Variants in SYCE2 observed in about 807,000 individuals in gnomAD.
SYCE2 encodes the protein synaptonemal complex central element protein 2, also known as central element synaptonemal complex 1.
Under a neutral mutation model 27.9 loss-of-function variants are expected in SYCE2, and 3 were observed. That is an observed-to-expected ratio of 0.11 (90% CI 0.05 to 0.28). SYCE2 has a LOEUF of 0.28. Among genes scored for constraint, SYCE2 ranks in the 10% least tolerant of loss-of-function variants. SYCE2 has a pLI of 1.00. For synonymous variants in SYCE2, 85 were observed against 100.7 expected (o/e 0.84, Z 0.93); for missense variants, 207 against 263.5 (o/e 0.79, Z 1.48).
intron 3 of SYCE2, among the ~76,000 whole-genome samples, chr19:12,903,155 G>GA (rs1269478398): frequency 6.6e-6 from 1 of 151,348 alleles, no homozygotes; most frequent in Admixed American, 6.6e-5. Context: ...GCAGTGGCGG[G>GA]ATCTCTGCTC....
At chr19:12,904,752 A>C in intron 2 of SYCE2, 86 bp from the exon 3 acceptor site, 21 of 1,472,008 alleles carry the variant, frequency 1.4e-5, no homozygotes, top group Non-Finnish European at 1.9e-5. Flanking sequence ...CTGTAATCTC[A>C]GCACTTTGTA....
Position 12,904,543 on chromosome 19 carries a change from C to T in SYCE2, c.255G>A (p.Arg85=). 6.2e-7 allele frequency: 1 copy of T among 1,614,050 alleles called. No individual in the cohort carries two copies. Among genetic ancestry groups the T allele is most frequent in the Non-Finnish European group, 8.5e-7 (1 of 1,180,012 alleles). ...TGGTCATGAGTGCATGGTCCTTTTG[C>T]CGGCTCTTGTTGATGTTTTCGATCA... ...QELIENINKS[R]QKDHALMTNF... The change falls in exon 3 of 6, where the codon CGG becomes CGA. Residue 85 remains arginine, a synonymous_variant. Coordinates refer to ENST00000293695, the MANE Select transcript of SYCE2 (RefSeq NM_001105578.2).
At chr19:12,904,013 C>T (rs551573108) in intron 3 of SYCE2, among the ~76,000 whole-genome samples, 10 of 152,304 alleles carry the variant, frequency 6.6e-5, no homozygotes, top group Admixed American at 4.6e-4. Flanking sequence ...TCCACTCCCC[C>T]GTCACAGACC....
chr19:12,898,968 C>T lies in SYCE2; in HGVS notation c.*373G>A. ...AGAGGTCAGCTGAGGCAAGTGACTG[C>T]TCTTCCGATGTGCTGTCCCTCCTAT... On this transcript the variant is annotated 3_prime_UTR_variant, in exon 6 of 6. Coordinates refer to ENST00000293695, the MANE Select transcript of SYCE2 (RefSeq NM_001105578.2). 1 of 289,118 alleles carries T rather than the reference C, an allele frequency of 3.5e-6. No homozygotes were observed. The highest frequency in any genetic ancestry group is 6.7e-6 in the Non-Finnish European group (1 of 149,532). The allele number at this position is 289,118 out of a possible 1,614,324, so 17.9% of individuals were successfully genotyped here.
intron 2 of SYCE2, among the ~76,000 whole-genome samples, chr19:12,907,988 T>C (rs1338372379): frequency 6.6e-6 from 1 of 151,938 alleles, no homozygotes; most frequent in Admixed American, 6.6e-5. Context: ...GGTGTGTACT[T>C]GTAGTCCCAG....
At chr19:12,905,010 A>G (rs1970907011) in intron 2 of SYCE2, among the ~76,000 whole-genome samples, 1 of 151,798 alleles carries the variant, frequency 6.6e-6, no homozygotes, top group Non-Finnish European at 1.5e-5. Context: ...TCTAAAAAAA[A>G]AAAAAGGACA....
intron 2 of SYCE2, chr19:12,914,183 G>A (rs1275286570): frequency 2.0e-5 from 3 of 152,236 alleles, no homozygotes; most frequent in Non-Finnish European, 4.4e-5. Flanking sequence ...GTCTCTGCCA[G>A]AGAAGCCACC....
chr19:12,900,590 T>C lies in SYCE2; in HGVS notation c.365A>G (p.Asn122Ser), dbSNP rs757137841. 6 of 1,614,054 alleles carry C rather than the reference T, an allele frequency of 3.7e-6. No individual in the cohort carries two copies. The highest frequency in any genetic ancestry group is 5.1e-6 in the Non-Finnish European group (6 of 1,180,044). Residue 122 changes from asparagine to serine, a missense_variant, in exon 4 of 6, where the codon AAC (asparagine) becomes AGC (serine). Asn to Ser is a conservative substitution (Grantham distance 46). Coordinates refer to ENST00000293695, the MANE Select transcript of SYCE2 (RefSeq NM_001105578.2). ...TTGGAGCTTTTCCTGGATGATCTTG[T>C]TGTGGTCATTATAAATCTGATAGAT... is the stretch of plus-strand genomic sequence containing the variant. Reference protein sequence around the residue: ...ERIYQIYNDHNKIIQEKLQEF... With the variant: ...ERIYQIYNDHSKIIQEKLQEF...
At chr19:12,904,089 G>A (rs550360553) in intron 3 of SYCE2, among the ~76,000 whole-genome samples, 6 of 152,284 alleles carry the variant, frequency 3.9e-5, no homozygotes, top group East Asian at 1.9e-4. Flanking sequence ...CCCTACTCCC[G>A]TGGCTGCTCG....
chr19:12,908,482 G>A (rs1474463035), intron 2 of SYCE2, among the ~76,000 whole-genome samples: 7 of 151,662 alleles, frequency 4.6e-5, no homozygotes, highest in Admixed American at 2.0e-4. Flanking sequence ...CCGCCACCAC[G>A]CCCGGCTAAT....
Position 12,916,724 on chromosome 19 carries a change from T to C in SYCE2, c.131+1498A>G, listed in dbSNP as rs185209502. Among the ~76,000 whole-genome samples the C allele has an allele frequency of 1.1e-3, 173 of 152,244 alleles. 1 individual carries two copies. The highest frequency in any genetic ancestry group is 6.8e-3 in the Middle Eastern group (2 of 294). Reference sequence around the variant, plus strand: ...GGTCCTCCCACCTCAGCCTTCCAAGTAGCTAGGGCCACAGGTGTGTGCAAC... The same window carrying C: ...GGTCCTCCCACCTCAGCCTTCCAAGCAGCTAGGGCCACAGGTGTGTGCAAC... On this transcript the variant is annotated intron_variant, in intron 2 of 5. Transcript: ENST00000293695.
At chr19:12,912,812 T>A (rs1971071263) in intron 2 of SYCE2, among the ~76,000 whole-genome samples, 1 of 152,130 alleles carries the variant, frequency 6.6e-6, no homozygotes, top group South Asian at 2.1e-4. Context: ...TTCAGCTAAT[T>A]CGAGTTTCAT....
chr19:12,905,344 T>A (rs1279752448), intron 2 of SYCE2, among the ~76,000 whole-genome samples: 1 of 152,164 alleles, frequency 6.6e-6, no homozygotes, highest in Non-Finnish European at 1.5e-5. Flanking sequence ...TCTTTCTTTT[T>A]TTTTTGAGAC....
chr19:12,913,959 G>A (rs1971091343), intron 2 of SYCE2: 1 of 152,176 alleles, frequency 6.6e-6, no homozygotes, highest in Admixed American at 6.6e-5. Context: ...GAGTCCTCAG[G>A]GCCCTGTCCT....
chr19:12,908,158 A>C (rs892954623), intron 2 of SYCE2, among the ~76,000 whole-genome samples: 3 of 151,756 alleles, frequency 2.0e-5, no homozygotes, highest in African/African-American at 4.8e-5. Flanking sequence ...CAAACAAAAC[A>C]ACCACAACAC....
At chr19:12,904,749 C>A in intron 2 of SYCE2, 83 bp from the exon 3 acceptor site, 1 of 1,510,828 alleles carries the variant, frequency 6.6e-7, no homozygotes, top group Admixed American at 1.8e-5. Flanking sequence ...TGCCTGTAAT[C>A]TCAGCACTTT....
At chr19:12,900,811 A>C (rs1025819900) in intron 3 of SYCE2, 163 bp from the exon 4 acceptor site, 3 of 649,920 alleles carry the variant, frequency 4.6e-6, no homozygotes, top group Non-Finnish European at 7.8e-6. Context: ...TGGTAGGCCA[A>C]GGTGGGTGGA....
chr19:12,914,686 T>C (rs954072096), intron 2 of SYCE2, among the ~76,000 whole-genome samples: 1 of 152,226 alleles, frequency 6.6e-6, no homozygotes, highest in Non-Finnish European at 1.5e-5. Flanking sequence ...CTTGGCTCAG[T>C]GCAACCTCTG....
Position 12,911,670 on chromosome 19 carries a change from T to G in SYCE2, c.131+6552A>C, listed in dbSNP as rs565469734. Reference sequence around the variant, plus strand: ...TCTCGCTCAGCTGCCCAGGATGGAGTGCAGTGCCACGATCTCGGCTCACTG... The same window carrying G: ...TCTCGCTCAGCTGCCCAGGATGGAGGGCAGTGCCACGATCTCGGCTCACTG... On this transcript the variant is annotated intron_variant, in intron 2 of 5. Coordinates refer to ENST00000293695, the MANE Select transcript of SYCE2 (RefSeq NM_001105578.2). Among the ~76,000 whole-genome samples, 8 of 138,674 alleles carry G rather than the reference T, an allele frequency of 5.8e-5. No homozygotes were observed. The East Asian group carries it at 1.8e-3, about 31-fold the overall frequency. The allele number at this position is 138,674 out of a possible 152,430, so 91.0% of individuals were successfully genotyped here.
Sources: allele counts gnomAD v4.1 joint callset (sites outside exome capture counted in the v4.1 genomes callset), GRCh38; gene constraint gnomAD v4.1.1; transcripts MANE v1.5; gene names NCBI Gene and HGNC (gene_info 2026-07-23, HGNC 2026-07-21).